FBN2: variants seen among roughly 807,000 people sequenced by gnomAD.
FBN2 encodes the protein fibrillin 2, also known as fibrillin-2.
In FBN2, 105 loss-of-function variants were observed where a neutral mutation model predicts 355.6. The observed-to-expected ratio is 0.30, with a 90% CI of 0.25 to 0.35. The LOEUF (loss-of-function observed/expected upper bound fraction) is 0.35, where lower values mean the gene tolerates loss of function less well. FBN2 is among the 10% of genes least tolerant of loss of function. FBN2 has a pLI of 1.00. For synonymous variants in FBN2, 1,350 were observed against 1,301.2 expected (o/e 1.04, Z -0.81); for missense variants, 3,280 against 3,758.7 (o/e 0.87, Z 3.33).
In FBN2 at chr5:128,364,581, A is replaced by T; in HGVS notation, c.2428+19T>A. Reference sequence around the variant, plus strand: ...AAACTATATGAAATGTTCTTGCATAAATATAACAAATAACTTACCAATACA... The same window carrying T: ...AAACTATATGAAATGTTCTTGCATATATATAACAAATAACTTACCAATACA... On this transcript the variant is annotated intron_variant, in intron 18 of 64. Transcript: ENST00000262464. 6.2e-7 allele frequency: 1 copy of T among 1,610,718 alleles called. No homozygotes were observed. The highest frequency in any genetic ancestry group is 8.5e-7 in the Non-Finnish European group (1 of 1,177,254).
At chr5:128,430,144 T>C (rs1200815150) in intron 7 of FBN2, among the ~76,000 whole-genome samples, 1 of 152,186 alleles carries the variant, frequency 6.6e-6, no homozygotes, top group African/African-American at 2.4e-5. Context: ...GCCTTTAATT[T>C]AGTCATTTGC....
chr5:128,435,433 T>C (rs945907832), intron 7 of FBN2, among the ~76,000 whole-genome samples: 1 of 152,222 alleles, frequency 6.6e-6, no homozygotes, highest in Non-Finnish European at 1.5e-5. Context: ...AAATTACACA[T>C]CAGAACTCTT....
At chr5:128,449,220 G>GA (rs1470953394) in intron 6 of FBN2, among the ~76,000 whole-genome samples, 1 of 150,116 alleles carries the variant, frequency 6.7e-6, no homozygotes, top group Non-Finnish European at 1.5e-5. Flanking sequence ...ACAATAACAT[G>GA]AAAAATTGAA....
chr5:128,533,420 C>A (rs1317449412), intron 2 of FBN2, among the ~76,000 whole-genome samples: 1 of 152,054 alleles, frequency 6.6e-6, no homozygotes, highest in East Asian at 1.9e-4. Flanking sequence ...GCCCTTTTGC[C>A]CCACAACAGC....
chr5:128,468,125 C>G (rs1754763310), intron 5 of FBN2, among the ~76,000 whole-genome samples: 1 of 152,160 alleles, frequency 6.6e-6, no homozygotes. Flanking sequence ...CTCAGTCAAC[C>G]ACTAATCTAG....
In FBN2 at chr5:128,415,967, T is replaced by G. The variant is rs1003851006; in HGVS notation, c.953-7168A>C. On this transcript the variant is annotated intron_variant, in intron 7 of 64. Coordinates refer to ENST00000262464, the MANE Select transcript of FBN2 (RefSeq NM_001999.4). Reference sequence around the variant, plus strand: ...CTCATGATTAGTAATACTGAGCATTTTTTCAAGTATCTCTTGACCATTTTT... The same window carrying G: ...CTCATGATTAGTAATACTGAGCATTGTTTCAAGTATCTCTTGACCATTTTT... Among the ~76,000 whole-genome samples the G allele has an allele frequency of 3.9e-5, 6 of 152,290 alleles. No homozygotes were observed. The East Asian group carries it at 7.7e-4, about 20-fold the overall frequency.
intron 5 of FBN2, among the ~76,000 whole-genome samples, chr5:128,481,595 A>G (rs914523520): frequency 6.6e-6 from 1 of 152,210 alleles, no homozygotes; most frequent in Non-Finnish European, 1.5e-5. Context: ...AGATACAGAA[A>G]AACATTCTGA....
In FBN2 at chr5:128,305,059, G is replaced by A. The variant is rs1230647120; in HGVS notation, c.5698C>T (p.Pro1900Ser). The A allele has an allele frequency of 6.2e-7, 1 of 1,612,278 alleles. No homozygotes were observed. The highest frequency in any genetic ancestry group is 8.5e-7 in the Non-Finnish European group (1 of 1,178,948). ...CACAAGCCATGACTGCAAACGTTAG[G>A]AATTTCTAAACATTCATTGCGATCT... ...CVDRNECLEI[P>S]NVCSHGLCVD... The change falls in exon 45 of 65, where the codon CCT (proline) becomes TCT (serine). Residue 1900 changes from proline to serine, a missense_variant. Coordinates refer to ENST00000262464, the MANE Select transcript of FBN2 (RefSeq NM_001999.4).
At chr5:128,382,448 C>G (rs989326236) in intron 11 of FBN2, among the ~76,000 whole-genome samples, 7 of 152,052 alleles carry the variant, frequency 4.6e-5, no homozygotes. Flanking sequence ...TTCACTTGTC[C>G]TGTTGTTCAG....
chr5:128,429,693 G>A (rs141013598), intron 7 of FBN2, among the ~76,000 whole-genome samples: 2 of 152,214 alleles, frequency 1.3e-5, no homozygotes, highest in Admixed American at 6.5e-5. Context: ...ATTAATGCCA[G>A]GATACTATAC....
intron 5 of FBN2, among the ~76,000 whole-genome samples, chr5:128,491,834 T>C (rs1018261992): frequency 9.2e-5 from 14 of 152,200 alleles, no homozygotes; most frequent in Non-Finnish European, 1.8e-4. Flanking sequence ...TATTCAAATA[T>C]TTATATTCGT....
chr5:128,505,990 A>G (rs1223574314), intron 5 of FBN2, among the ~76,000 whole-genome samples: 3 of 152,244 alleles, frequency 2.0e-5, no homozygotes, highest in Non-Finnish European at 4.4e-5. Flanking sequence ...TGGGGCAAAT[A>G]AAGCGTGAAA....
In FBN2 at chr5:128,288,562, A is replaced by G. The variant is rs770624852; in HGVS notation, c.6638-5T>C. ...CGATTGAACACTCATCAGTATCTGA[A>G]AAAGAAGAATAAGAAACTGCCACAA... On this transcript the variant is annotated splice_polypyrimidine_tract_variant and splice_region_variant and intron_variant, in intron 52 of 64. Transcript: ENST00000262464. The G allele has an allele frequency of 1.2e-6, 2 of 1,613,332 alleles. No homozygotes were observed. Among genetic ancestry groups the G allele is most frequent in the South Asian group, 2.2e-5 (2 of 91,076 alleles).
At chr5:128,331,077 G>C (rs146737026) in intron 32 of FBN2, among the ~76,000 whole-genome samples, 26 of 152,288 alleles carry the variant, frequency 1.7e-4, no homozygotes, top group Non-Finnish European at 2.9e-4. Flanking sequence ...GAGTTTTTAA[G>C]TTTATTTAAT....
rs774512073 is a variant in FBN2, at chr5:128,286,705, C to T, written c.7012+13G>A. 19 of 1,613,726 alleles carry T rather than the reference C, an allele frequency of 1.2e-5. No homozygotes were observed. Among genetic ancestry groups the T allele is most frequent in the Middle Eastern group, 1.6e-4 (1 of 6,082 alleles). ...AGGCATTACATAAGCAGACACCTTCCCTTACCGCTTACCTACACAGCCTTC... is the reference window on the plus strand; with the variant it reads ...AGGCATTACATAAGCAGACACCTTCTCTTACCGCTTACCTACACAGCCTTC... On this transcript the variant is annotated intron_variant, in intron 55 of 64. Transcript: ENST00000262464.
intron 7 of FBN2, among the ~76,000 whole-genome samples, chr5:128,422,234 A>T (rs1418605409): frequency 6.6e-6 from 1 of 152,232 alleles, no homozygotes; most frequent in Non-Finnish European, 1.5e-5. Flanking sequence ...GTTTGTGGCA[A>T]CATGTTATGA....
chr5:128,502,776 A>G (rs1459826282), intron 5 of FBN2, among the ~76,000 whole-genome samples: 3 of 152,204 alleles, frequency 2.0e-5, no homozygotes, highest in African/African-American at 7.2e-5. Context: ...TAAAATAATA[A>G]TTTTTAAAAA....
intron 6 of FBN2, among the ~76,000 whole-genome samples, chr5:128,451,476 T>C (rs947268549): frequency 6.6e-6 from 1 of 152,162 alleles, no homozygotes; most frequent in Non-Finnish European, 1.5e-5. Flanking sequence ...CTCGGCTCCC[T>C]GCAACCTCCA....
intron 62 of FBN2, among the ~76,000 whole-genome samples, 177 bp downstream of exon 62, chr5:128,271,822 A>G (rs1383436807): frequency 1.3e-5 from 2 of 152,178 alleles, no homozygotes; most frequent in African/African-American, 4.8e-5. Flanking sequence ...TTTTTAATAG[A>G]TATTTTCAAA....
Sources: gnomAD v4.1 joint callset for allele counts (sites outside exome capture counted in the v4.1 genomes callset) on GRCh38, gnomAD v4.1.1 for gene constraint, MANE v1.5 for transcripts, NCBI Gene and HGNC (gene_info 2026-07-23, HGNC 2026-07-21) for gene names.